SLC25A11: variants seen among roughly 807,000 people sequenced by gnomAD.
SLC25A11 encodes the protein mitochondrial 2-oxoglutarate/malate carrier protein.
A neutral mutation model predicts 32.7 loss-of-function variants in SLC25A11; 11 were observed. The ratio of observed to expected loss-of-function variants is 0.34; its 90% CI spans 0.21 to 0.56. SLC25A11 has a LOEUF of 0.56. Among genes scored for constraint, SLC25A11 ranks in the 20% least tolerant of loss-of-function variants. SLC25A11 has a pLI of 0.90. For missense variants in SLC25A11, 295 were observed against 426.3 expected (o/e 0.69, Z 2.71); for synonymous variants, 163 against 168.3 (o/e 0.97, Z 0.24).
Position 4,938,745 on chromosome 17 carries a change from G to A in SLC25A11, c.455+24C>T. 6.2e-7 allele frequency: 1 copy of A among 1,601,796 alleles called. No individual in the cohort carries two copies. The highest frequency in any genetic ancestry group is 8.5e-7 in the Non-Finnish European group (1 of 1,171,348). On this transcript the variant is annotated intron_variant, in intron 3 of 7. Coordinates refer to ENST00000225665, the MANE Select transcript of SLC25A11 (RefSeq NM_003562.5). The surrounding 1 kb of genome is among the most constrained non-coding windows in gnomAD (Gnocchi z 7.6). ...CTAGATTCGAGGGAATGGGGCTGGG[G>A]TTAGGTTCAGACTTGGAACTCACCG...
In SLC25A11 at chr17:4,939,063, G is replaced by A; in HGVS notation, c.245C>T (p.Thr82Ile). Residue 82 changes from threonine (T) to isoleucine (I), a missense_variant, in exon 2 of 8, where the codon ACT becomes ATT. Thr to Ile is a moderately conservative substitution (Grantham distance 89, BLOSUM62 -1). Coordinates refer to ENST00000225665, the MANE Select transcript of SLC25A11 (RefSeq NM_003562.5). The surrounding 1 kb of genome is among the most constrained non-coding windows in gnomAD (Gnocchi z 4.1). ...CTCCATCCTGAGGCCCCAATACCCA[G>A]TGTAAATGCCCCTCAGGCCTTCTGC... The part of the protein sequence containing the change: ...LKAEGLRGIY[T>I]GLSAGLLRQA... 1 of 1,614,204 alleles carries A rather than the reference G, an allele frequency of 6.2e-7. No individual in the cohort carries two copies. Among genetic ancestry groups the A allele is most frequent in the Non-Finnish European group, 8.5e-7 (1 of 1,180,038 alleles).
chr17:4,938,942 G>A lies in SLC25A11; in HGVS notation c.282C>T (p.Tyr94=). The A allele has an allele frequency of 6.2e-7, 1 of 1,614,168 alleles. No homozygotes were observed. The highest frequency in any genetic ancestry group is 8.5e-7 in the Non-Finnish European group (1 of 1,180,032). ...LSAGLLRQAT[Y]TTTRLGIYTV... Reference sequence around the variant, plus strand: ...TATAGATGCCAAGGCGGGTAGTGGTGTAGGTGGCCTGACGCAGCAGGCCAG... The same window carrying A: ...TATAGATGCCAAGGCGGGTAGTGGTATAGGTGGCCTGACGCAGCAGGCCAG... Residue 94 remains tyrosine, a synonymous_variant, in exon 3 of 8, where the codon TAC becomes TAT. Transcript: ENST00000225665. The surrounding 1 kb of genome is among the most constrained non-coding windows in gnomAD (Gnocchi z 7.6).
In SLC25A11 at chr17:4,938,880, G is replaced by A. The variant is rs1970520960; in HGVS notation, c.344C>T (p.Thr115Ile). 6.2e-7 allele frequency: 1 copy of A among 1,614,078 alleles called. No individual in the cohort carries two copies. The highest frequency in any genetic ancestry group is 1.3e-5 in the African/African-American group (1 of 74,938). The part of the protein sequence containing the change: ...LFERLTGADG[T>I]PPGFLLKAVI... ...AGCCTTCAGCAGAAAGCCAGGGGGA[G>A]TACCATCAGCCCCAGTCAGGCGCTC... The change falls in exon 3 of 8, where the codon ACT (threonine) becomes ATT (isoleucine). Residue 115 changes from threonine to isoleucine, a missense_variant. Thr to Ile is a moderately conservative substitution (Grantham distance 89, BLOSUM62 -1). Around this residue, in one of 3 missense-constraint regions of SLC25A11, gnomAD observed 49 missense variants for 106.9 expected, o/e 0.46. Coordinates refer to ENST00000225665, the MANE Select transcript of SLC25A11 (RefSeq NM_003562.5). The surrounding 1 kb of genome is among the most constrained non-coding windows in gnomAD (Gnocchi z 7.6).
rs1425799043 is a variant in SLC25A11, at chr17:4,939,987, A to T, written c.-77T>A. The T allele has an allele frequency of 2.7e-6, 3 of 1,108,100 alleles. No individual in the cohort carries two copies. The highest frequency in any genetic ancestry group is 3.3e-5 in the African/African-American group (2 of 59,730). 68.6% of individuals were successfully genotyped at this position (1,108,100 alleles called of 1,614,324 possible). A position where few individuals can be genotyped will look rare whatever the true frequency, so the allele number is the denominator to read the frequency against. On this transcript the variant is annotated 5_prime_UTR_variant, in exon 1 of 8. Coordinates refer to ENST00000225665, the MANE Select transcript of SLC25A11 (RefSeq NM_003562.5). The surrounding 1 kb of genome is among the most constrained non-coding windows in gnomAD (Gnocchi z 4.1). ...GCGCCCAAGGTGACACCGCGCGCGC[A>T]ACAGAGCGAGGGCGCGCGCACGCCC...
chr17:4,938,611 A>G lies in SLC25A11; in HGVS notation c.456-9T>C, dbSNP rs1215357059. 1.9e-6 allele frequency: 3 copies of G among 1,613,512 alleles called. No homozygotes were observed. The African/African-American group carries it at 4.0e-5, about 22-fold the overall frequency. ...GCTGGTCAGCTGGAAGCCTGGTGGG[A>G]AGGCAGAAAGAGGTCAAGATCAGGA... On this transcript the variant is annotated splice_polypyrimidine_tract_variant and intron_variant, in intron 3 of 7. Coordinates refer to ENST00000225665, the MANE Select transcript of SLC25A11 (RefSeq NM_003562.5). This position sits in a 1 kb window ranked among gnomAD's most constrained non-coding sequence, Gnocchi z 7.6.
Position 4,938,915 on chromosome 17 carries a change from G to A in SLC25A11, c.309C>T (p.Thr103=), listed in dbSNP as rs781049426. The change falls in exon 3 of 8, where the codon ACC becomes ACT. Residue 103 remains threonine, a synonymous_variant. Coordinates refer to ENST00000225665, the MANE Select transcript of SLC25A11 (RefSeq NM_003562.5). The surrounding 1 kb of genome is among the most constrained non-coding windows in gnomAD (Gnocchi z 7.6). ...TYTTTRLGIY[T]VLFERLTGAD... Reference sequence around the variant, plus strand: ...CCCCAGTCAGGCGCTCAAACAGCACGGTATAGATGCCAAGGCGGGTAGTGG... The same window carrying A: ...CCCCAGTCAGGCGCTCAAACAGCACAGTATAGATGCCAAGGCGGGTAGTGG... 9.9e-6 allele frequency: 16 copies of A among 1,614,132 alleles called. No homozygotes were observed. The Admixed American group carries it at 1.7e-4, about 17-fold the overall frequency.
chr17:4,937,641 G>T lies in SLC25A11; in HGVS notation c.*100C>A. 1 of 1,403,302 alleles carries T rather than the reference G, an allele frequency of 7.1e-7. No individual in the cohort carries two copies. The highest frequency in any genetic ancestry group is 9.6e-7 in the Non-Finnish European group (1 of 1,043,582). 86.9% of individuals were successfully genotyped at this position (1,403,302 alleles called of 1,614,324 possible). Reference sequence around the variant, plus strand: ...TTACCGCAGAGGAAGAAACCACACTGTGGAAGGGAAATAAATAGAGGGGTC... The same window carrying T: ...TTACCGCAGAGGAAGAAACCACACTTTGGAAGGGAAATAAATAGAGGGGTC... On this transcript the variant is annotated 3_prime_UTR_variant, in exon 8 of 8. Transcript: ENST00000225665.
Position 4,938,679 on chromosome 17 carries a change from A to C in SLC25A11, c.456-77T>G. The C allele has an allele frequency of 6.3e-7, 1 of 1,582,528 alleles. No individual in the cohort carries two copies. The highest frequency in any genetic ancestry group is 8.7e-7 in the Non-Finnish European group (1 of 1,152,482). Reference sequence around the variant, plus strand: ...GAAAGGAAGGCCAGAACAGGTAAACACTCTGCTCCAGATCCGGGATAAAAA... The same window carrying C: ...GAAAGGAAGGCCAGAACAGGTAAACCCTCTGCTCCAGATCCGGGATAAAAA... On this transcript the variant is annotated intron_variant, in intron 3 of 7. Coordinates refer to ENST00000225665, the MANE Select transcript of SLC25A11 (RefSeq NM_003562.5). This position sits in a 1 kb window ranked among gnomAD's most constrained non-coding sequence, Gnocchi z 7.6.
rs756027738 is a variant in SLC25A11, at chr17:4,939,049, G to A, written c.248+11C>T. ...ACCCACAGTCTACCCTCCATCCTGA[G>A]GCCCCAATACCCAGTGTAAATGCCC... On this transcript the variant is annotated intron_variant, in intron 2 of 7. Coordinates refer to ENST00000225665, the MANE Select transcript of SLC25A11 (RefSeq NM_003562.5). This position sits in a 1 kb window ranked among gnomAD's most constrained non-coding sequence, Gnocchi z 4.1. 6.2e-7 allele frequency: 1 copy of A among 1,614,206 alleles called. No homozygotes were observed. Among genetic ancestry groups the A allele is most frequent in the South Asian group, 1.1e-5 (1 of 91,084 alleles).
Position 4,938,436 on chromosome 17 carries a change from G to A in SLC25A11, c.547-7C>T, listed in dbSNP as rs891495836. On this transcript the variant is annotated splice_polypyrimidine_tract_variant and splice_region_variant and intron_variant, in intron 4 of 7. Transcript: ENST00000225665. This position sits in a 1 kb window ranked among gnomAD's most constrained non-coding sequence, Gnocchi z 7.6. ...CCATGGTAGGGATGCAGCCCTGGAG[G>A]GAGGGGAGCGGGGAAGAGTCAGAAA... 1 of 1,614,154 alleles carries A rather than the reference G, an allele frequency of 6.2e-7. No homozygotes were observed. Among genetic ancestry groups the A allele is most frequent in the Non-Finnish European group, 8.5e-7 (1 of 1,179,998 alleles).
Position 4,937,650 on chromosome 17 carries a change from A to C in SLC25A11, c.*91T>G. 2 of 1,435,294 alleles carry C rather than the reference A, an allele frequency of 1.4e-6. No homozygotes were observed. The highest frequency in any genetic ancestry group is 4.6e-5 in the East Asian group (2 of 43,770). The allele number at this position is 1,435,294 out of a possible 1,614,324, so 88.9% of individuals were successfully genotyped here. ...AGGAAGAAACCACACTGTGGAAGGG[A>C]AATAAATAGAGGGGTCCAGGGCAGC... On this transcript the variant is annotated 3_prime_UTR_variant, in exon 8 of 8. Coordinates refer to ENST00000225665, the MANE Select transcript of SLC25A11 (RefSeq NM_003562.5).
rs1462749078 is a variant in SLC25A11, at chr17:4,939,298, G to A, written c.96-86C>T. Reference sequence around the variant, plus strand: ...GAGCCTGGCAGCAAGAGGTTACAAAGGTCAGGGCCTGCCATGCGATTCAAG... The same window carrying A: ...GAGCCTGGCAGCAAGAGGTTACAAAAGTCAGGGCCTGCCATGCGATTCAAG... On this transcript the variant is annotated intron_variant, in intron 1 of 7. Coordinates refer to ENST00000225665, the MANE Select transcript of SLC25A11 (RefSeq NM_003562.5). The surrounding 1 kb of genome is among the most constrained non-coding windows in gnomAD (Gnocchi z 4.1). 11 of 1,421,266 alleles carry A rather than the reference G, an allele frequency of 7.7e-6. No individual in the cohort carries two copies. Among genetic ancestry groups the A allele is most frequent in the Non-Finnish European group, 1.0e-5 (11 of 1,052,704 alleles). The allele number at this position is 1,421,266 out of a possible 1,614,324, so 88.0% of individuals were successfully genotyped here. A position where few individuals can be genotyped will look rare whatever the true frequency, so the allele number is the denominator to read the frequency against.
chr17:4,938,694 C>A lies in SLC25A11; in HGVS notation c.455+75G>T. 1 of 1,585,522 alleles carries A rather than the reference C, an allele frequency of 6.3e-7. No individual in the cohort carries two copies. Among genetic ancestry groups the A allele is most frequent in the Non-Finnish European group, 8.6e-7 (1 of 1,156,334 alleles). On this transcript the variant is annotated intron_variant, in intron 3 of 7. Coordinates refer to ENST00000225665, the MANE Select transcript of SLC25A11 (RefSeq NM_003562.5). The surrounding 1 kb of genome is among the most constrained non-coding windows in gnomAD (Gnocchi z 7.6). ...ACAGGTAAACACTCTGCTCCAGATC[C>A]GGGATAAAAAACTGGTCCTTTCATT... is the stretch of plus-strand genomic sequence containing the variant.
chr17:4,939,900 G>C lies in SLC25A11; in HGVS notation c.11C>G (p.Thr4Arg), dbSNP rs1567653243. Residue 4 changes from threonine to arginine, a missense_variant, in exon 1 of 8, where the codon ACG becomes AGG. Thr to Arg is a moderately conservative substitution (Grantham distance 71). Transcript: ENST00000225665. The surrounding 1 kb of genome is among the most constrained non-coding windows in gnomAD (Gnocchi z 4.1). The part of the protein sequence containing the change: MAA[T>R]ASAGAGGIDG... Reference sequence around the variant, plus strand: ...TATCCCGCCGGCCCCGGCACTCGCCGTCGCCGCCATCGCCACTCAATGGCC... The same window carrying C: ...TATCCCGCCGGCCCCGGCACTCGCCCTCGCCGCCATCGCCACTCAATGGCC... 2.5e-5 allele frequency: 41 copies of C among 1,610,248 alleles called. No homozygotes were observed. Among genetic ancestry groups the C allele is most frequent in the Non-Finnish European group, 3.4e-5 (40 of 1,179,000 alleles).
chr17:4,939,958 G>A lies in SLC25A11; in HGVS notation c.-48C>T, dbSNP rs771509232. On this transcript the variant is annotated 5_prime_UTR_variant, in exon 1 of 8. Transcript: ENST00000225665. The surrounding 1 kb of genome is among the most constrained non-coding windows in gnomAD (Gnocchi z 4.1). ...CCGGGTCCCGTGCGCGCGCGGCCCC[G>A]CTCGCGCCCAAGGTGACACCGCGCG... The A allele has an allele frequency of 3.4e-6, 5 of 1,484,510 alleles. No homozygotes were observed. The highest frequency in any genetic ancestry group is 2.5e-5 in the East Asian group (1 of 40,598). 92.0% of individuals were successfully genotyped at this position (1,484,510 alleles called of 1,614,324 possible).
chr17:4,939,570 G>A lies in SLC25A11; in HGVS notation c.95+246C>T. The A allele has an allele frequency of 3.4e-6, 2 of 581,482 alleles. No homozygotes were observed. Among genetic ancestry groups the A allele is most frequent in the Non-Finnish European group, 3.0e-6 (1 of 330,308 alleles). 36.0% of individuals were successfully genotyped at this position (581,482 alleles called of 1,614,324 possible). ...ATGGCCTGGAACCCCCTGCCGCCCG[G>A]CCGAGCTTAGCAATGCGCTGGGAAA... is the stretch of plus-strand genomic sequence containing the variant. On this transcript the variant is annotated intron_variant, in intron 1 of 7. Transcript: ENST00000225665. This position sits in a 1 kb window ranked among gnomAD's most constrained non-coding sequence, Gnocchi z 4.1.
At position 4,938,011 on chromosome 17, in the gene SLC25A11, T is replaced by C; in HGVS notation, c.789+12A>G. The C allele has an allele frequency of 6.2e-7, 1 of 1,614,164 alleles. No individual in the cohort carries two copies. Among genetic ancestry groups the C allele is most frequent in the Non-Finnish European group, 8.5e-7 (1 of 1,180,008 alleles). On this transcript the variant is annotated intron_variant, in intron 7 of 7. Coordinates refer to ENST00000225665, the MANE Select transcript of SLC25A11 (RefSeq NM_003562.5). This position sits in a 1 kb window ranked among gnomAD's most constrained non-coding sequence, Gnocchi z 7.6. ...GACACCCCCTCCCAGGCCCCCAGAA[T>C]GGCTTCCTCACCAGCCCGTTCTTGT...
rs1178012951 is a variant in SLC25A11 at position 4,938,478 on chromosome 17, T to A, written c.546+34A>T. On this transcript the variant is annotated intron_variant, in intron 4 of 7. Coordinates refer to ENST00000225665, the MANE Select transcript of SLC25A11 (RefSeq NM_003562.5). The surrounding 1 kb of genome is among the most constrained non-coding windows in gnomAD (Gnocchi z 7.6). ...AGTCAGAAACCCCTAAAACCAGACCTCACAGCCCCCAAGTCTCCAGCCCCT... is the reference window on the plus strand; with the variant it reads ...AGTCAGAAACCCCTAAAACCAGACCACACAGCCCCCAAGTCTCCAGCCCCT... 1.9e-6 allele frequency: 3 copies of A among 1,613,228 alleles called. No individual in the cohort carries two copies. The highest frequency in any genetic ancestry group is 2.5e-6 in the Non-Finnish European group (3 of 1,179,522).
At position 4,939,742 on chromosome 17, in the gene SLC25A11, C is replaced by G; in HGVS notation, c.95+74G>C. 8.4e-7 allele frequency: 1 copy of G among 1,195,220 alleles called. No individual in the cohort carries two copies. The highest frequency in any genetic ancestry group is 1.2e-6 in the Non-Finnish European group (1 of 816,534). 74.0% of individuals were successfully genotyped at this position (1,195,220 alleles called of 1,614,324 possible). ...CCGGCACAGTTCACTGCAACAGACCCAGAGATGAACCGGGCCCGGTTCCTT... is the reference window on the plus strand; with the variant it reads ...CCGGCACAGTTCACTGCAACAGACCGAGAGATGAACCGGGCCCGGTTCCTT... On this transcript the variant is annotated intron_variant, in intron 1 of 7. Coordinates refer to ENST00000225665, the MANE Select transcript of SLC25A11 (RefSeq NM_003562.5). The surrounding 1 kb of genome is among the most constrained non-coding windows in gnomAD (Gnocchi z 4.1).
Sources: gnomAD v4.1 joint callset for allele counts on GRCh38, gnomAD v4.1.1 for gene constraint, gnomAD v4.1.1 regional missense constraint, Gnocchi (gnomAD v3.1) non-coding constraint, MANE v1.5 for transcripts, NCBI Gene and HGNC (gene_info 2026-07-23, HGNC 2026-07-21) for gene names.